The following LRP1B variants were observed in gnomAD, a reference collection of about 807,000 sequenced individuals.
LRP1B encodes the protein low-density lipoprotein receptor-related protein 1B.
LRP1B carries 217 observed loss-of-function variants against 556.6 expected under a neutral mutation model. That is an observed-to-expected ratio of 0.39 (90% CI 0.35 to 0.44). The LOEUF is 0.44. Among genes scored for constraint, LRP1B ranks in the 20% least tolerant of loss-of-function variants. The probability of loss-of-function intolerance (pLI) is 1.00; values close to 1 mark genes in which losing one functional copy is unlikely to be tolerated. For missense variants in LRP1B, 5,053 were observed against 5,620.8 expected, an observed-to-expected ratio of 0.90 and a Z score of 3.23; for synonymous variants, 2,047 against 1,865.8, an observed-to-expected ratio of 1.10 and a Z score of -2.50.
chr2:140,669,667 G>T (rs993160327), intron 41 of LRP1B, among the ~76,000 whole-genome samples: 2 of 151,990 alleles, frequency 1.3e-5, no homozygotes, highest in Admixed American at 1.3e-4. Flanking sequence ...TTATACAGAA[G>T]AAATTGTTTT....
chr2:142,084,565 C>G (rs1272750290), intron 1 of LRP1B, among the ~76,000 whole-genome samples: 1 of 152,168 alleles, frequency 6.6e-6, no homozygotes, highest in African/African-American at 2.4e-5. Flanking sequence ...CTGCATTTCT[C>G]ATTCCTGAGT....
rs903093451 is a variant in LRP1B, at chr2:140,924,493, A to G, written c.3137-1346T>C. On this transcript the variant is annotated intron_variant, in intron 20 of 90. Transcript: ENST00000389484. Reference sequence around the variant, plus strand: ...TATAAAGATGTTCAAGATGGACTTGACCATACATCCTAAATATTGCTTGTG... The same window carrying G: ...TATAAAGATGTTCAAGATGGACTTGGCCATACATCCTAAATATTGCTTGTG... Among the ~76,000 whole-genome samples, 15 of 152,204 alleles carry G rather than the reference A, an allele frequency of 9.9e-5. 1 individual carries two copies. In the South Asian group the frequency reaches 2.9e-3, roughly 29 times the overall value.
chr2:141,416,731 AT>A (rs963540389), intron 3 of LRP1B, among the ~76,000 whole-genome samples: 2 of 151,882 alleles, frequency 1.3e-5, no homozygotes, highest in South Asian at 2.1e-4. Flanking sequence ...GACAGCTATT[AT>A]TTTTTTCATT....
chr2:141,996,332 T>C (rs1702491137), intron 1 of LRP1B, among the ~76,000 whole-genome samples: 1 of 152,130 alleles, frequency 6.6e-6, no homozygotes, highest in South Asian at 2.1e-4. Flanking sequence ...CAACACTGAC[T>C]CTTACTTGTT....
chr2:142,084,535 C>T (rs1373479582), intron 1 of LRP1B, among the ~76,000 whole-genome samples: 2 of 152,160 alleles, frequency 1.3e-5, no homozygotes, highest in African/African-American at 4.8e-5. Flanking sequence ...CCCACCTCTC[C>T]AACTTGCTGC....
At chr2:141,044,418 A>G (rs1202483115) in intron 11 of LRP1B, among the ~76,000 whole-genome samples, 2 of 151,828 alleles carry the variant, frequency 1.3e-5, no homozygotes, top group African/African-American at 2.4e-5. Flanking sequence ...AAATTGACAA[A>G]AGGGATCTAA....
At chr2:141,938,734 T>C (rs528491401) in intron 1 of LRP1B, among the ~76,000 whole-genome samples, 2 of 147,078 alleles carry the variant, frequency 1.4e-5, no homozygotes, top group Admixed American at 7.0e-5. Flanking sequence ...GTTATATATA[T>C]CACTAATCTC....
At chr2:140,886,507 T>A (rs13022675) in intron 23 of LRP1B, among the ~76,000 whole-genome samples, 172 bp from the exon 24 acceptor site, 29,329 of 152,092 alleles carry the variant, frequency 0.19, 2,958 homozygotes, top group Non-Finnish European at 0.21. Flanking sequence ...CTTAGGTTTA[T>A]GTGTATTCAC....
chr2:141,058,794 C>T, intron 9 of LRP1B, 89 bp downstream of exon 9: 1 of 1,039,322 alleles, frequency 9.6e-7, no homozygotes, highest in Non-Finnish European at 1.3e-6. Flanking sequence ...ATTTATGACT[C>T]ACTCACTTCA....
At chr2:140,540,826 G>T in intron 45 of LRP1B, 147 bp downstream of exon 45, 1 of 870,638 alleles carries the variant, frequency 1.1e-6, no homozygotes, top group Non-Finnish European at 1.7e-6. Context: ...CAGTGAACTC[G>T]GTTTTCTTTA....
At chr2:141,300,502 T>C (rs1686348649) in intron 3 of LRP1B, among the ~76,000 whole-genome samples, 1 of 152,186 alleles carries the variant, frequency 6.6e-6, no homozygotes, top group South Asian at 2.1e-4. Flanking sequence ...TTTGGATCAG[T>C]GTCCTCAACC....
In LRP1B at chr2:140,839,974, T is replaced by C. The variant is rs1225506348; in HGVS notation, c.5209+17A>G. 8 of 1,548,554 alleles carry C rather than the reference T, an allele frequency of 5.2e-6. No homozygotes were observed. Among genetic ancestry groups the C allele is most frequent in the Non-Finnish European group, 5.3e-6 (6 of 1,126,986 alleles). ...TGTCACATTGAAAACTTGGTGACTA[T>C]TAAAAAAAATACTTACCAACTGGCT... On this transcript the variant is annotated intron_variant, in intron 31 of 90. Coordinates refer to ENST00000389484, the MANE Select transcript of LRP1B (RefSeq NM_018557.3).
chr2:140,884,060 G>C (rs1263427753), intron 24 of LRP1B, 39 bp from the exon 25 acceptor site: 1 of 1,583,140 alleles, frequency 6.3e-7, no homozygotes, highest in Non-Finnish European at 8.7e-7. Context: ...ACCCATTCAA[G>C]GATTGTGTTA....
intron 7 of LRP1B, among the ~76,000 whole-genome samples, chr2:141,105,527 A>C (rs765973870): frequency 1.3e-5 from 2 of 152,132 alleles, no homozygotes; most frequent in Non-Finnish European, 2.9e-5. Flanking sequence ...TTCTGTTATA[A>C]GACGGAGAAA....
intron 3 of LRP1B, among the ~76,000 whole-genome samples, chr2:141,305,645 G>A (rs1246610360): frequency 6.6e-6 from 1 of 152,104 alleles, no homozygotes; most frequent in East Asian, 1.9e-4. Flanking sequence ...AGTGGTGAAC[G>A]TGGACATATT....
intron 2 of LRP1B, among the ~76,000 whole-genome samples, chr2:141,544,438 C>A (rs891470309): frequency 7.2e-6 from 1 of 139,724 alleles, no homozygotes; most frequent in Non-Finnish European, 1.6e-5. Flanking sequence ...TCCTTCTCCT[C>A]CTTCTCCTCC....
chr2:140,920,049 T>C (rs1694691493), intron 21 of LRP1B, among the ~76,000 whole-genome samples: 1 of 152,088 alleles, frequency 6.6e-6, no homozygotes, highest in South Asian at 2.1e-4. Context: ...GGATTAAATT[T>C]ACATTCCTAC....
intron 29 of LRP1B, among the ~76,000 whole-genome samples, chr2:140,848,916 C>T (rs996856644): frequency 6.6e-6 from 1 of 152,080 alleles, no homozygotes; most frequent in African/African-American, 2.4e-5. Flanking sequence ...CAAGTTACTC[C>T]TATTTTTGTA....
intron 36 of LRP1B, 35 bp downstream of exon 36, chr2:140,716,647 T>C (rs2105463709): frequency 6.4e-7 from 1 of 1,570,604 alleles, no homozygotes; most frequent in Non-Finnish European, 8.6e-7. Flanking sequence ...ACAAAATAGG[T>C]GTGAAACAGA....
Sources: gnomAD v4.1 joint callset for allele counts (sites outside exome capture counted in the v4.1 genomes callset) on GRCh38, gnomAD v4.1.1 for gene constraint, MANE v1.5 for transcripts, NCBI Gene and HGNC (gene_info 2026-07-23, HGNC 2026-07-21) for gene names.